The following EXT1 variants were observed in gnomAD, a reference collection of about 807,000 sequenced individuals.
EXT1 encodes exostosin-1.
A neutral mutation model predicts 82.5 loss-of-function variants in EXT1; 20 were observed. That is an observed-to-expected ratio of 0.24 (90% confidence interval 0.17 to 0.35). The LOEUF is 0.35. Among genes scored for constraint, EXT1 ranks in the 10% least tolerant of loss-of-function variants. The pLI is 1.00. For synonymous variants in EXT1, 348 were observed against 350.8 expected (o/e 0.99, Z 0.09); for missense variants, 757 against 936.5 (o/e 0.81, Z 2.50).
chr8:118,082,648 G>GT (rs1817352292), intron 1 of EXT1, among the ~76,000 whole-genome samples: 1 of 152,146 alleles, frequency 6.6e-6, no homozygotes, highest in Non-Finnish European at 1.5e-5. Context: ...TAAATGTGGG[G>GT]TATCAATTTC....
At chr8:117,985,836 T>C (rs1446136391) in intron 1 of EXT1, among the ~76,000 whole-genome samples, 3 of 152,208 alleles carry the variant, frequency 2.0e-5, no homozygotes, top group African/African-American at 4.8e-5. Context: ...ACTTTTATGG[T>C]TTAAACAAAT....
intron 1 of EXT1, among the ~76,000 whole-genome samples, chr8:117,943,264 T>TAGTAAGAAAATA (rs1192157397): frequency 6.6e-6 from 1 of 152,182 alleles, no homozygotes; most frequent in African/African-American, 2.4e-5. Context: ...TACAAACTGC[T>TAGTAAGAAAATA]AGTAAGAAAA....
At chr8:117,993,236 T>TA (rs60227877) in intron 1 of EXT1, among the ~76,000 whole-genome samples, 21 of 151,280 alleles carry the variant, frequency 1.4e-4, no homozygotes, top group Admixed American at 4.0e-4. Flanking sequence ...GATCAAGTTT[T>TA]AAAAAAAAAG....
At position 118,073,621 on chromosome 8, in the gene EXT1, A is replaced by AAGAG. The variant is rs1817138659; in HGVS notation, c.962+36460_962+36463dup. The stretch of plus-strand genomic sequence containing the variant: ...GGCTACAGAGAGAGGAAAGGAAGAG[A>AAGAG]AGAGAAGAGAAAGAAGAGAAGAGAA... On this transcript the variant is annotated intron_variant, in intron 1 of 10. Coordinates refer to ENST00000378204, the MANE Select transcript of EXT1 (RefSeq NM_000127.3). Among the ~76,000 whole-genome samples the AAGAG allele has an allele frequency of 2.1e-4, 30 of 143,488 alleles. No individual in the cohort carries two copies. The South Asian group carries it at 5.8e-3, about 28-fold the overall frequency. 94.1% of individuals were successfully genotyped at this position (143,488 alleles called of 152,430 possible). A position where few individuals can be genotyped will look rare whatever the true frequency, so the allele number is the denominator to read the frequency against.
chr8:117,871,845 G>A (rs901706076), intron 1 of EXT1, among the ~76,000 whole-genome samples: 2 of 152,250 alleles, frequency 1.3e-5, no homozygotes, highest in Admixed American at 1.3e-4. Flanking sequence ...GAAAAAATAA[G>A]CCAGCTCAGT....
At chr8:117,872,691 C>G (rs1812894841) in intron 1 of EXT1, among the ~76,000 whole-genome samples, 1 of 151,832 alleles carries the variant, frequency 6.6e-6, no homozygotes, top group African/African-American at 2.4e-5. Flanking sequence ...TGATTATTCA[C>G]AAAATGGAAA....
intron 1 of EXT1, among the ~76,000 whole-genome samples, chr8:118,060,690 T>C (rs1484729684): frequency 1.3e-5 from 2 of 152,210 alleles, no homozygotes; most frequent in Admixed American, 1.3e-4. Flanking sequence ...TGTAGCACAG[T>C]TCTCCAGTTA....
At position 117,830,903 on chromosome 8, in the gene EXT1, T is replaced by C. The variant is rs186386831; in HGVS notation, c.1165-554A>G. Among the ~76,000 whole-genome samples the C allele has an allele frequency of 6.7e-4, 102 of 152,302 alleles. No individual in the cohort carries two copies. The East Asian group carries it at 0.019, about 29-fold the overall frequency. On this transcript the variant is annotated intron_variant, in intron 3 of 10. Transcript: ENST00000378204. Reference sequence around the variant, plus strand: ...AGCCTTTCTGCTCCCTATATCTCTCTTTCTGCCTTCAGCCTTTACCCAAGT... The same window carrying C: ...AGCCTTTCTGCTCCCTATATCTCTCCTTCTGCCTTCAGCCTTTACCCAAGT...
chr8:117,965,193 A>G (rs1050302224), intron 1 of EXT1, among the ~76,000 whole-genome samples: 23 of 152,154 alleles, frequency 1.5e-4, no homozygotes, highest in Admixed American at 3.9e-4. Context: ...TGGAACTTGA[A>G]AATAAAGATA....
At chr8:117,799,945 T>C (rs1823140777) in intron 10 of EXT1, 48 bp from the exon 11 acceptor site, 1 of 1,593,762 alleles carries the variant, frequency 6.3e-7, no homozygotes. Context: ...AAGTGCAAGG[T>C]GAGATGGAAA....
chr8:117,892,863 G>T (rs944343001), intron 1 of EXT1, among the ~76,000 whole-genome samples: 2 of 152,230 alleles, frequency 1.3e-5, no homozygotes, highest in Non-Finnish European at 2.9e-5. Context: ...AAGGACAACG[G>T]CAAGGTTTTG....
chr8:117,818,600 C>G, intron 6 of EXT1, 70 bp from the exon 7 acceptor site: 1 of 1,181,234 alleles, frequency 8.5e-7, no homozygotes, highest in Non-Finnish European at 1.3e-6. Flanking sequence ...CCCAAAGCCT[C>G]TTCTCAGAGA....
intron 1 of EXT1, among the ~76,000 whole-genome samples, chr8:117,885,401 A>G (rs1390858172): frequency 6.6e-6 from 1 of 152,002 alleles, no homozygotes; most frequent in African/African-American, 2.4e-5. Context: ...TCTAAAGTCT[A>G]AAGTTGTTCT....
At chr8:117,883,605 T>C (rs1236688612) in intron 1 of EXT1, among the ~76,000 whole-genome samples, 1 of 152,270 alleles carries the variant, frequency 6.6e-6, no homozygotes, top group Non-Finnish European at 1.5e-5. Context: ...TCTTTCTGGC[T>C]TTCTAAGATC....
At chr8:117,857,199 G>A (rs560308101) in intron 1 of EXT1, among the ~76,000 whole-genome samples, 1 of 152,302 alleles carries the variant, frequency 6.6e-6, no homozygotes, top group Admixed American at 6.5e-5. Context: ...ATGGAGATGT[G>A]TAAGATTAAT....
chr8:117,836,513 G>A (rs1812191009), intron 2 of EXT1, among the ~76,000 whole-genome samples: 1 of 152,176 alleles, frequency 6.6e-6, no homozygotes, highest in Admixed American at 6.5e-5. Flanking sequence ...CTTTCTCTCT[G>A]CAATCAAAGA....
rs537881133 is a variant in EXT1 at position 118,092,663 on chromosome 8, T to G, written c.962+17422A>C. Among the ~76,000 whole-genome samples the G allele has an allele frequency of 1.7e-4, 26 of 152,290 alleles. No individual in the cohort carries two copies. In the East Asian group the frequency reaches 4.6e-3, roughly 27 times the overall value. ...GAGAATACCGGGACTAGGGGGACTT[T>G]CGAAAGTCCCTCCGCACGTGTTGGA... is the stretch of plus-strand genomic sequence containing the variant. On this transcript the variant is annotated intron_variant, in intron 1 of 10. Transcript: ENST00000378204.
At chr8:118,037,456 C>T (rs1356675666) in intron 1 of EXT1, among the ~76,000 whole-genome samples, 1 of 151,274 alleles carries the variant, frequency 6.6e-6, no homozygotes, top group African/African-American at 2.4e-5. Context: ...CAGCTCACTG[C>T]AGCCTTGGTC....
chr8:117,799,977 G>A (rs1823141117), intron 10 of EXT1, 80 bp from the exon 11 acceptor site: 1 of 1,449,182 alleles, frequency 6.9e-7, no homozygotes, highest in Admixed American at 1.9e-5. Context: ...ATGGAGTCAG[G>A]CAAATGAGCA....
Sources: allele counts gnomAD v4.1 joint callset (sites outside exome capture counted in the v4.1 genomes callset), GRCh38; gene constraint gnomAD v4.1.1; transcripts MANE v1.5; gene names NCBI Gene and HGNC (gene_info 2026-07-23, HGNC 2026-07-21).